The following ARHGAP15 variants were observed in gnomAD, a reference collection of about 807,000 sequenced individuals.
ARHGAP15 encodes the protein Rho GTPase activating protein 15.
Under a neutral mutation model 63.7 loss-of-function variants are expected in ARHGAP15, and 51 were observed. That is an observed-to-expected ratio of 0.80 (90% CI 0.64 to 1.01). ARHGAP15 has a LOEUF of 1.01. Ranked by LOEUF, ARHGAP15 falls within the 50% of genes least tolerant of loss-of-function variation. The pLI is 0.00. For synonymous variants in ARHGAP15, 191 were observed against 193.8 expected, an observed-to-expected ratio of 0.99 and a Z score of 0.12; for missense variants, 560 against 564.6, an observed-to-expected ratio of 0.99 and a Z score of 0.08.
intron 2 of ARHGAP15, among the ~76,000 whole-genome samples, chr2:143,169,293 G>T (rs1012717481): frequency 6.6e-6 from 1 of 152,030 alleles, no homozygotes; most frequent in African/African-American, 2.4e-5. Context: ...TCTAGATGGG[G>T]CAAATTCTCC....
At chr2:143,740,141 T>G (rs923936485) in intron 13 of ARHGAP15, among the ~76,000 whole-genome samples, 2 of 152,216 alleles carry the variant, frequency 1.3e-5, no homozygotes, top group African/African-American at 4.8e-5. Flanking sequence ...AATGATTTTC[T>G]CCACTAGGAG....
At chr2:143,429,354 TC>T (rs1689285696) in intron 6 of ARHGAP15, among the ~76,000 whole-genome samples, 1 of 151,756 alleles carries the variant, frequency 6.6e-6, no homozygotes, top group African/African-American at 2.4e-5. Flanking sequence ...GCAGAACAAA[TC>T]TCTGTTGTAC....
intron 10 of ARHGAP15, 107 bp downstream of exon 10, chr2:143,519,471 A>T: frequency 1.2e-6 from 1 of 831,424 alleles, no homozygotes; most frequent in East Asian, 2.8e-5. Flanking sequence ...ATGCAATTAA[A>T]ACTTGACTTG....
intron 12 of ARHGAP15, among the ~76,000 whole-genome samples, chr2:143,686,383 CAAAAAAAAAAAAAAAAA>C (rs35554349): frequency 1.3e-4 from 7 of 55,050 alleles, no homozygotes; most frequent in Admixed American, 5.7e-4. Context: ...GACTCTGTCT[CAAAAAAAAAAAAAAAAA>C]AAAAAAAAAA....
At chr2:143,564,254 T>A (rs1475494423) in intron 11 of ARHGAP15, 1 of 152,118 alleles carries the variant, frequency 6.6e-6, no homozygotes, top group Non-Finnish European at 1.5e-5. Context: ...GAAGGTTACA[T>A]CCAATCACCT....
intron 10 of ARHGAP15, among the ~76,000 whole-genome samples, chr2:143,534,464 G>C (rs534738088): frequency 4.6e-5 from 7 of 152,296 alleles, no homozygotes; most frequent in Admixed American, 1.3e-4. Context: ...GATACGGTGA[G>C]AGAAGTACCT....
At chr2:143,383,464 A>G (rs1482966127) in intron 6 of ARHGAP15, among the ~76,000 whole-genome samples, 1 of 152,180 alleles carries the variant, frequency 6.6e-6, no homozygotes, top group African/African-American at 2.4e-5. Flanking sequence ...CAAATCCTCT[A>G]TTGTTAATAA....
rs972229869 is a variant in ARHGAP15 at position 143,737,572 on chromosome 2, G to A, written c.1245-30417G>A. Among the ~76,000 whole-genome samples the A allele has an allele frequency of 5.3e-5, 8 of 152,254 alleles. No individual in the cohort carries two copies. In the South Asian group the frequency reaches 1.2e-3, roughly 24 times the overall value. ...AAAATGATAGAAACATGTCTCGCAC[G>A]TGAAAATGATACTATCAATTGAGTA... is the stretch of plus-strand genomic sequence containing the variant. On this transcript the variant is annotated intron_variant, in intron 13 of 13. Coordinates refer to ENST00000295095, the MANE Select transcript of ARHGAP15 (RefSeq NM_018460.4).
intron 10 of ARHGAP15, among the ~76,000 whole-genome samples, chr2:143,533,892 A>G (rs1042837914): frequency 3.3e-5 from 5 of 152,226 alleles, no homozygotes; most frequent in African/African-American, 1.2e-4. Context: ...TAAGTCTGCC[A>G]TAGTTCAAAG....
intron 10 of ARHGAP15, among the ~76,000 whole-genome samples, chr2:143,542,463 G>A (rs899345046): frequency 9.9e-5 from 15 of 151,806 alleles, no homozygotes; most frequent in South Asian, 2.1e-4. Flanking sequence ...CATCTTCTGC[G>A]TCACTCACAC....
intron 6 of ARHGAP15, among the ~76,000 whole-genome samples, chr2:143,264,211 A>C (rs537356410): frequency 1.6e-3 from 243 of 152,122 alleles, no homozygotes; most frequent in Non-Finnish European, 2.3e-3. Context: ...GTGAATTCAA[A>C]AATACCCAGG....
intron 11 of ARHGAP15, among the ~76,000 whole-genome samples, chr2:143,569,714 T>G (rs1229703981): frequency 6.6e-6 from 1 of 152,166 alleles, no homozygotes; most frequent in African/African-American, 2.4e-5. Context: ...AACCTATTTA[T>G]TTATTTGTTT....
chr2:143,380,641 A>G (rs539762899), intron 6 of ARHGAP15, among the ~76,000 whole-genome samples: 1 of 152,290 alleles, frequency 6.6e-6, no homozygotes, highest in African/African-American at 2.4e-5. Flanking sequence ...CACTCTATAT[A>G]TGTTCATTCT....
chr2:143,396,532 G>A lies in ARHGAP15; in HGVS notation c.475-39069G>A, dbSNP rs528693067. On this transcript the variant is annotated intron_variant, in intron 6 of 13. Coordinates refer to ENST00000295095, the MANE Select transcript of ARHGAP15 (RefSeq NM_018460.4). Reference sequence around the variant, plus strand: ...TATGACAGACCAAGTAAAGTGTTTGGTTCAATAATAAGGAGCTTATTGTGT... The same window carrying A: ...TATGACAGACCAAGTAAAGTGTTTGATTCAATAATAAGGAGCTTATTGTGT... Among the ~76,000 whole-genome samples, 7 of 151,930 alleles carry A rather than the reference G, an allele frequency of 4.6e-5. No homozygotes were observed. The East Asian group carries it at 1.4e-3, about 29-fold the overall frequency.
chr2:143,233,675 C>G (rs1220085007), intron 5 of ARHGAP15, among the ~76,000 whole-genome samples: 1 of 128,976 alleles, frequency 7.8e-6, no homozygotes, highest in Non-Finnish European at 1.6e-5. Context: ...GAGATGAAGT[C>G]TCACTCTGTC....
At chr2:143,281,251 G>A (rs945823180) in intron 6 of ARHGAP15, among the ~76,000 whole-genome samples, 1 of 152,010 alleles carries the variant, frequency 6.6e-6, no homozygotes, top group African/African-American at 2.4e-5. Context: ...AATAATAAAT[G>A]CTAATTCCAG....
intron 12 of ARHGAP15, among the ~76,000 whole-genome samples, chr2:143,646,350 T>TTTTC (rs1179203784): frequency 1.3e-5 from 2 of 152,072 alleles, no homozygotes; most frequent in African/African-American, 4.8e-5. Context: ...AAAGCAGCTT[T>TTTTC]TTTCTTTTTC....
intron 8 of ARHGAP15, among the ~76,000 whole-genome samples, chr2:143,438,035 T>TAGAC (rs1553480745): frequency 6.6e-6 from 1 of 152,124 alleles, no homozygotes; most frequent in East Asian, 1.9e-4. Context: ...TCAGAAAAGG[T>TAGAC]AGACATCTTT....
At chr2:143,669,945 C>T (rs1427166887) in intron 12 of ARHGAP15, among the ~76,000 whole-genome samples, 1 of 152,134 alleles carries the variant, frequency 6.6e-6, no homozygotes, top group African/African-American at 2.4e-5. Context: ...TAAGTTTAGG[C>T]TGACACAAGC....
Sources: gnomAD v4.1 joint callset for allele counts (sites outside exome capture counted in the v4.1 genomes callset) on GRCh38, gnomAD v4.1.1 for gene constraint, MANE v1.5 for transcripts, NCBI Gene and HGNC (gene_info 2026-07-23, HGNC 2026-07-21) for gene names.